The following SAV1 variants were observed in gnomAD, a reference collection of about 807,000 sequenced individuals.
SAV1 encodes the protein salvador family WW domain containing protein 1, also known as protein salvador homolog 1.
In SAV1, 23 loss-of-function variants were observed where a neutral mutation model predicts 47.3. That is an observed-to-expected ratio of 0.49 (90% CI 0.35 to 0.69). SAV1 has a LOEUF of 0.69. Among genes scored for constraint, SAV1 ranks in the 30% least tolerant of loss-of-function variants. The pLI is 0.01. For synonymous variants in SAV1, 155 were observed against 159.2 expected (o/e 0.97, Z 0.20); for missense variants, 448 against 457.4 (o/e 0.98, Z 0.19).
intron 3 of SAV1, among the ~76,000 whole-genome samples, chr14:50,643,937 C>G (rs143576634): frequency 1.3e-5 from 2 of 152,286 alleles, no homozygotes; most frequent in African/African-American, 4.8e-5. Context: ...CCAGATGACA[C>G]TAAGCAACAT....
At chr14:50,642,245 C>G (rs1167858892) in intron 3 of SAV1, among the ~76,000 whole-genome samples, 1 of 152,046 alleles carries the variant, frequency 6.6e-6, no homozygotes, top group Non-Finnish European at 1.5e-5. Context: ...AACTACCTAT[C>G]AGGGACCGGG....
chr14:50,667,378 T>A (rs767401205), intron 1 of SAV1: 2 of 455,682 alleles, frequency 4.4e-6, no homozygotes. Flanking sequence ...GGTATGCTTT[T>A]CACCTTCTCA....
chr14:50,640,368 C>T (rs1335414854), intron 4 of SAV1, among the ~76,000 whole-genome samples: 2 of 152,134 alleles, frequency 1.3e-5, no homozygotes, highest in Admixed American at 1.3e-4. Flanking sequence ...GATCCTCCTG[C>T]CTCAGCCTCC....
At chr14:50,649,707 AAC>A (rs1462079459) in intron 2 of SAV1, among the ~76,000 whole-genome samples, 1 of 152,240 alleles carries the variant, frequency 6.6e-6, no homozygotes, top group East Asian at 1.9e-4. Context: ...CATTATTTGT[AAC>A]AGTTGCACCC....
intron 2 of SAV1, among the ~76,000 whole-genome samples, chr14:50,648,490 T>G (rs2039740574): frequency 6.6e-6 from 1 of 152,152 alleles, no homozygotes; most frequent in Non-Finnish European, 1.5e-5. Flanking sequence ...ACAAGAATAC[T>G]AATAGTTGGC....
chr14:50,658,471 G>C (rs2039831438), intron 2 of SAV1, among the ~76,000 whole-genome samples: 1 of 152,072 alleles, frequency 6.6e-6, no homozygotes, highest in Admixed American at 6.6e-5. Context: ...TAATCTGAAA[G>C]TTCTACAGCT....
intron 2 of SAV1, among the ~76,000 whole-genome samples, chr14:50,651,938 G>A (rs547425827): frequency 7.9e-5 from 12 of 152,236 alleles, no homozygotes; most frequent in African/African-American, 2.9e-4. Context: ...GGCCCAAAGA[G>A]AATAAATTGT....
chr14:50,662,639 T>G (rs2039869799), intron 2 of SAV1: 1 of 152,210 alleles, frequency 6.6e-6, no homozygotes, highest in African/African-American at 2.4e-5. Flanking sequence ...TCTTATAGTA[T>G]TTCCTCAATT....
intron 2 of SAV1, among the ~76,000 whole-genome samples, chr14:50,647,425 C>G (rs1446655820): frequency 6.6e-6 from 1 of 152,128 alleles, no homozygotes; most frequent in African/African-American, 2.4e-5. Context: ...GCTGCAGTGA[C>G]ACGCACCTGT....
intron 2 of SAV1, among the ~76,000 whole-genome samples, chr14:50,660,934 T>C (rs1437357684): frequency 6.6e-6 from 1 of 152,234 alleles, no homozygotes; most frequent in Non-Finnish European, 1.5e-5. Context: ...TGCAGGTATT[T>C]CTTTGATATA....
chr14:50,658,145 A>G (rs1002632713), intron 2 of SAV1, among the ~76,000 whole-genome samples: 6 of 152,218 alleles, frequency 3.9e-5, no homozygotes, highest in African/African-American at 1.4e-4. Context: ...GGTGTCTCTA[A>G]AGATTATCAA....
At position 50,665,224 on chromosome 14, in the gene SAV1, C is replaced by G. The variant is rs1274988787; in HGVS notation, c.490G>C (p.Asp164His). The G allele has an allele frequency of 1.9e-6, 3 of 1,600,578 alleles. No individual in the cohort carries two copies. The African/African-American group carries it at 4.1e-5, about 22-fold the overall frequency. Residue 164 changes from aspartate (D) to histidine (H), a missense_variant, in exon 2 of 5, where the codon GAT becomes CAT. Physicochemically the swap from Asp to His is moderately conservative, Grantham distance 81. Coordinates refer to ENST00000324679, the MANE Select transcript of SAV1 (RefSeq NM_021818.4). The part of the protein sequence containing the change: ...EDYRYYEYNH[D>H]LFQRMPQNQG... The stretch of plus-strand genomic sequence containing the variant: ...TTCTGTGGCATTCTTTGGAAGAGAT[C>G]ATGGTTGTATTCATAATATCTGTAG...
chr14:50,654,707 T>A (rs7149762), intron 2 of SAV1, among the ~76,000 whole-genome samples: 1,730 of 152,296 alleles, frequency 0.011, 31 homozygotes, highest in African/African-American at 0.039. Flanking sequence ...AAATGAGGTA[T>A]GCCTGTAATA....
intron 3 of SAV1, among the ~76,000 whole-genome samples, chr14:50,643,077 T>C (rs539296134): frequency 7.9e-5 from 12 of 152,334 alleles, no homozygotes; most frequent in Admixed American, 7.8e-4. Flanking sequence ...AGGATTGGCC[T>C]AAGATAGACA....
At chr14:50,639,641 G>T (rs2039665846) in intron 4 of SAV1, among the ~76,000 whole-genome samples, 2 of 152,062 alleles carry the variant, frequency 1.3e-5, no homozygotes, top group East Asian at 3.9e-4. Context: ...TAATCTTCAG[G>T]AATCTGTTTC....
At chr14:50,655,277 A>G (rs1267143827) in intron 2 of SAV1, among the ~76,000 whole-genome samples, 2 of 152,230 alleles carry the variant, frequency 1.3e-5, no homozygotes, top group East Asian at 3.8e-4. Flanking sequence ...CAAGCATAAC[A>G]ATGTAACAAT....
rs756595541 is a variant in SAV1 at position 50,667,971 on chromosome 14, T to A, written c.-4A>T. On this transcript the variant is annotated 5_prime_UTR_variant, in exon 1 of 5. Coordinates refer to ENST00000324679, the MANE Select transcript of SAV1 (RefSeq NM_021818.4). ...TGGTTTTCTTTCGGGACAGCATCCTTCTCGACGAGGCCCGAGGCCGCGCTG... is the reference window on the plus strand; with the variant it reads ...TGGTTTTCTTTCGGGACAGCATCCTACTCGACGAGGCCCGAGGCCGCGCTG... 24 of 1,607,786 alleles carry A rather than the reference T, an allele frequency of 1.5e-5. No individual in the cohort carries two copies. Among genetic ancestry groups the A allele is most frequent in the Non-Finnish European group, 2.0e-5 (24 of 1,177,826 alleles).
intron 2 of SAV1, among the ~76,000 whole-genome samples, chr14:50,653,000 C>T (rs2039781842): frequency 1.3e-5 from 2 of 151,756 alleles, no homozygotes; most frequent in African/African-American, 4.8e-5. Flanking sequence ...CACTGCACTC[C>T]AGCCTGGGTG....
At chr14:50,646,544 G>A (rs1324150442) in intron 2 of SAV1, among the ~76,000 whole-genome samples, 1 of 151,984 alleles carries the variant, frequency 6.6e-6, no homozygotes, top group East Asian at 1.9e-4. Context: ...AAATTAGCCG[G>A]GCGTGGTGGC....
Sources: gnomAD v4.1 joint callset for allele counts (sites outside exome capture counted in the v4.1 genomes callset) on GRCh38, gnomAD v4.1.1 for gene constraint, MANE v1.5 for transcripts, NCBI Gene and HGNC (gene_info 2026-07-23, HGNC 2026-07-21) for gene names.